CRTAP: variants seen among roughly 807,000 people sequenced by gnomAD.
CRTAP encodes the protein cartilage-associated protein.
A neutral mutation model predicts 42.7 loss-of-function variants in CRTAP; 33 were observed. The observed-to-expected ratio is 0.77, with a 90% CI of 0.59 to 1.03. The LOEUF is 1.03. CRTAP is among the 50% of genes least tolerant of loss of function. The pLI, the probability that CRTAP is intolerant of heterozygous loss-of-function variation, is 0.00. For missense variants in CRTAP, 613 were observed against 533.9 expected (o/e 1.15, Z -1.46); for synonymous variants, 243 against 217.7 (o/e 1.12, Z -1.02).
chr3:33,120,357 C>T lies in CRTAP; in HGVS notation c.485C>T (p.Pro162Leu), dbSNP rs751020328. Residue 162 changes from proline to leucine, a missense_variant, in exon 2 of 7, where the codon CCC becomes CTC. Coordinates refer to ENST00000320954, the MANE Select transcript of CRTAP (RefSeq NM_006371.5). ...TTGTCCTTTTAGGCAAATAATCTCC[C>T]CAAAGCCATCGCCGCTGCTCACACC... The part of the protein sequence containing the change: ...QFAYFKANNL[P>L]KAIAAAHTFL... The T allele has an allele frequency of 2.5e-6, 4 of 1,614,126 alleles. No homozygotes were observed. Among genetic ancestry groups the T allele is most frequent in the Admixed American group, 3.3e-5 (2 of 60,024 alleles).
Position 33,143,732 on chromosome 3 carries a change from G to A in CRTAP, c.*1284G>A, listed in dbSNP as rs182261154. On this transcript the variant is annotated 3_prime_UTR_variant, in exon 7 of 7. Transcript: ENST00000320954. ...AGATGAGGCTGCAGTTTTAAATGGG[G>A]CCTCACTGGGAATGTGACGTTGAGC... The A allele has an allele frequency of 1.3e-5, 2 of 152,340 alleles. No individual in the cohort carries two copies. The highest frequency in any genetic ancestry group is 6.5e-5 in the Admixed American group (1 of 15,304). The allele number at this position is 152,340 out of a possible 1,614,324, so 9.4% of individuals were successfully genotyped here.
At position 33,142,504 on chromosome 3, in the gene CRTAP, C is replaced by G; in HGVS notation, c.*56C>G. ...CGTTCAGGAAACACAGATTCTTTGT[C>G]CTTTTCCCAACAGCCCAGGCTGTTG... On this transcript the variant is annotated 3_prime_UTR_variant, in exon 7 of 7. Coordinates refer to ENST00000320954, the MANE Select transcript of CRTAP (RefSeq NM_006371.5). The G allele has an allele frequency of 5.1e-6, 8 of 1,561,164 alleles. No homozygotes were observed. The highest frequency in any genetic ancestry group is 7.1e-6 in the Non-Finnish European group (8 of 1,132,144).
In CRTAP at chr3:33,129,758, G is replaced by A. The variant is rs188802874; in HGVS notation, c.794-181G>A. Among the ~76,000 whole-genome samples the A allele has an allele frequency of 1.3e-3, 191 of 151,876 alleles. 7 individuals are homozygous for A. The South Asian group carries it at 0.037, about 29-fold the overall frequency. ...TCACTGTGTTAACCAGGATGGTCTC[G>A]ATCCTCCTGACCTTGTGATTCGCCC... On this transcript the variant is annotated intron_variant, in intron 3 of 6. Coordinates refer to ENST00000320954, the MANE Select transcript of CRTAP (RefSeq NM_006371.5).
Position 33,114,327 on chromosome 3 carries a change from T to G in CRTAP, c.250T>G (p.Cys84Gly). The change falls in exon 1 of 7, where the codon TGC becomes GGC. Residue 84 changes from cysteine (C) to glycine (G), a missense_variant. Coordinates refer to ENST00000320954, the MANE Select transcript of CRTAP (RefSeq NM_006371.5). ...CTTGCTGCGCGACAGCGAGGCCTTC[T>G]GCCACCGCAACTGCAGCGCCGCGCC... ...HRLLRDSEAF[C>G]HRNCSAAPQP... 3.9e-6 allele frequency: 6 copies of G among 1,541,174 alleles called. No homozygotes were observed. The highest frequency in any genetic ancestry group is 5.2e-6 in the Non-Finnish European group (6 of 1,151,508).
intron 6 of CRTAP, among the ~76,000 whole-genome samples, chr3:33,135,456 G>A (rs752954056): frequency 2.0e-5 from 3 of 151,978 alleles, no homozygotes; most frequent in East Asian, 1.9e-4. Flanking sequence ...GTAAAACCTC[G>A]TCTCTACAAA....
At chr3:33,119,946 T>G (rs1701396368) in intron 1 of CRTAP, among the ~76,000 whole-genome samples, 1 of 152,166 alleles carries the variant, frequency 6.6e-6, no homozygotes, top group African/African-American at 2.4e-5. Context: ...CCAAGAGGAC[T>G]GTGCAGGGAG....
intron 6 of CRTAP, 58 bp from the exon 7 acceptor site, chr3:33,142,337 C>T (rs2030599786): frequency 6.9e-7 from 1 of 1,454,256 alleles, no homozygotes; most frequent in East Asian, 2.3e-5. Flanking sequence ...TTCTGCTCAT[C>T]AGTACTTTTA....
At position 33,120,366 on chromosome 3, in the gene CRTAP, T is replaced by C. The variant is rs1333765970; in HGVS notation, c.494T>C (p.Ile165Thr). The C allele has an allele frequency of 6.2e-7, 1 of 1,613,972 alleles. No individual in the cohort carries two copies. Among genetic ancestry groups the C allele is most frequent in the South Asian group, 1.1e-5 (1 of 91,056 alleles). Residue 165 changes from isoleucine to threonine, a missense_variant, in exon 2 of 7, where the codon ATC becomes ACC. Physicochemically the swap from Ile to Thr is moderately conservative, Grantham distance 89 (BLOSUM62 -1). Coordinates refer to ENST00000320954, the MANE Select transcript of CRTAP (RefSeq NM_006371.5). ...YFKANNLPKA[I>T]AAAHTFLLKH... is the part of the protein sequence containing the mutation. The stretch of plus-strand genomic sequence containing the variant: ...TAGGCAAATAATCTCCCCAAAGCCA[T>C]CGCCGCTGCTCACACCTTTCTACTG...
chr3:33,139,475 ATTTTTT>A (rs554392214), intron 6 of CRTAP, among the ~76,000 whole-genome samples: 5 of 139,148 alleles, frequency 3.6e-5, no homozygotes, highest in Non-Finnish European at 6.3e-5. Context: ...AATTCGTTGA[ATTTTTT>A]TTTTTTTTTT....
intron 3 of CRTAP, among the ~76,000 whole-genome samples, chr3:33,129,575 T>C (rs1365377030): frequency 2.0e-5 from 3 of 147,976 alleles, no homozygotes; most frequent in Non-Finnish European, 4.5e-5. Flanking sequence ...TCTTGCTCTG[T>C]TGCCCAGGCT....
At chr3:33,136,723 CTT>C (rs1418359082) in intron 6 of CRTAP, among the ~76,000 whole-genome samples, 1 of 152,160 alleles carries the variant, frequency 6.6e-6, no homozygotes, top group East Asian at 1.9e-4. Flanking sequence ...ATGCCACACT[CTT>C]TTAAACAACT....
In CRTAP at chr3:33,114,357, C is replaced by A; in HGVS notation, c.280C>A (p.Pro94Thr). 2 of 1,522,372 alleles carry A rather than the reference C, an allele frequency of 1.3e-6. No individual in the cohort carries two copies. Among genetic ancestry groups the A allele is most frequent in the African/African-American group, 1.4e-5 (1 of 70,218 alleles). 94.3% of individuals were successfully genotyped at this position (1,522,372 alleles called of 1,614,324 possible). ...CCGCAACTGCAGCGCCGCGCCGCAG[C>A]CCGAGCCCGCCGCCGGCCTCGCCAG... is the stretch of plus-strand genomic sequence containing the variant. ...CHRNCSAAPQ[P>T]EPAAGLASYP... Residue 94 changes from proline to threonine, a missense_variant, in exon 1 of 7, where the codon CCC (proline) becomes ACC (threonine). Transcript: ENST00000320954.
chr3:33,140,441 G>A lies in CRTAP; in HGVS notation c.1153-1954G>A, dbSNP rs1164205546. ...TTTTCTTACTATATACCAAATTATG[G>A]CAAGTAATACTTTGAAATGAAAATA... is the stretch of plus-strand genomic sequence containing the variant. On this transcript the variant is annotated intron_variant, in intron 6 of 6. Coordinates refer to ENST00000320954, the MANE Select transcript of CRTAP (RefSeq NM_006371.5). 2.0e-5 allele frequency among the ~76,000 whole-genome samples: 3 copies of A among 152,102 alleles called. No individual in the cohort carries two copies. The East Asian group carries it at 5.8e-4, about 29-fold the overall frequency.
chr3:33,124,143 A>G (rs1012566492), intron 2 of CRTAP, among the ~76,000 whole-genome samples: 2 of 152,198 alleles, frequency 1.3e-5, no homozygotes, highest in Non-Finnish European at 2.9e-5. Context: ...TCTCTGTCAT[A>G]GTTTTCCCAT....
At chr3:33,142,175 C>T (rs534156161) in intron 6 of CRTAP, among the ~76,000 whole-genome samples, 2 of 152,266 alleles carry the variant, frequency 1.3e-5, no homozygotes, top group African/African-American at 2.4e-5. Flanking sequence ...AGCATGTTGG[C>T]GGATCTCGCA....
In CRTAP at chr3:33,114,111, C is replaced by G; in HGVS notation, c.34C>G (p.Leu12Val). ...EPGRRGAAALLALLCVACALR... is the reference protein window; with the variant it reads ...EPGRRGAAALVALLCVACALR... The stretch of plus-strand genomic sequence containing the variant: ...GGGGCGCCGGGGGGCCGCGGCGCTG[C>G]TAGCGCTGCTGTGCGTGGCCTGCGC... The change falls in exon 1 of 7, where the codon CTA becomes GTA. Residue 12 changes from leucine (L) to valine (V), a missense_variant. Leu to Val is a conservative substitution (Grantham distance 32). Coordinates refer to ENST00000320954, the MANE Select transcript of CRTAP (RefSeq NM_006371.5). The G allele has an allele frequency of 6.6e-7, 1 of 1,509,290 alleles. No homozygotes were observed. Among genetic ancestry groups the G allele is most frequent in the South Asian group, 1.2e-5 (1 of 80,786 alleles). 93.5% of individuals were successfully genotyped at this position (1,509,290 alleles called of 1,614,324 possible).
In CRTAP at chr3:33,114,516, C is replaced by G. The variant is rs757163727; in HGVS notation, c.439C>G (p.Pro147Ala). The change falls in exon 1 of 7, where the codon CCC (proline) becomes GCC (alanine). Residue 147 changes from proline to alanine, a missense_variant. Physicochemically the swap from Pro to Ala is conservative, Grantham distance 27 (BLOSUM62 -1). Transcript: ENST00000320954. ...GCTGGCGGACTTCCAGCGCCGCGAGCCCTACAAGTTCCTGCAGTTCGCTTA... is the reference window on the plus strand; with the variant it reads ...GCTGGCGGACTTCCAGCGCCGCGAGGCCTACAAGTTCCTGCAGTTCGCTTA... ...EVLADFQRREPYKFLQFAYFK... is the reference protein window; with the variant it reads ...EVLADFQRREAYKFLQFAYFK... 1 of 1,603,930 alleles carries G rather than the reference C, an allele frequency of 6.2e-7. No homozygotes were observed. Among genetic ancestry groups the G allele is most frequent in the South Asian group, 1.1e-5 (1 of 89,506 alleles).
chr3:33,138,634 A>G (rs1024267624), intron 6 of CRTAP, among the ~76,000 whole-genome samples: 2 of 152,176 alleles, frequency 1.3e-5, no homozygotes, highest in African/African-American at 4.8e-5. Context: ...GAACTTATTT[A>G]TTAGTTTGTA....
rs181578614 is a variant in CRTAP at position 33,142,790 on chromosome 3, G to C, written c.*342G>C. 2.4e-4 allele frequency: 64 copies of C among 262,202 alleles called. No individual in the cohort carries two copies. Among genetic ancestry groups the C allele is most frequent in the African/African-American group, 1.3e-3 (58 of 45,844 alleles). 16.2% of individuals were successfully genotyped at this position (262,202 alleles called of 1,614,324 possible). ...CTGCATCAGCCTCCCGAGTACCTGG[G>C]ATTACAGGCATGTGCCACCACGCCC... On this transcript the variant is annotated 3_prime_UTR_variant, in exon 7 of 7. Transcript: ENST00000320954.
Sources: allele counts gnomAD v4.1 joint callset (sites outside exome capture counted in the v4.1 genomes callset), GRCh38; gene constraint gnomAD v4.1.1; transcripts MANE v1.5; gene names NCBI Gene and HGNC (gene_info 2026-07-23, HGNC 2026-07-21).